The following WDR49 variants were observed in gnomAD, a reference collection of about 807,000 sequenced individuals.
WDR49 encodes cilia- and flagella-associated protein 337.
WDR49 carries 107 observed loss-of-function variants against 119.5 expected under a neutral mutation model. The ratio of observed to expected loss-of-function variants is 0.90; its 90% confidence interval spans 0.77 to 1.05. The LOEUF is 1.05. WDR49 is among the 50% of genes least tolerant of loss of function. The pLI is 0.00. For synonymous variants in WDR49, 425 were observed against 418.8 expected (o/e 1.01, Z -0.18); for missense variants, 1,240 against 1,220.5 (o/e 1.02, Z -0.24).
chr3:167,547,133 T>C lies in WDR49; in HGVS notation c.1823+7517A>G, dbSNP rs76424273. Among the ~76,000 whole-genome samples, 568 of 151,982 alleles carry C rather than the reference T, an allele frequency of 3.7e-3. 6 individuals carry two copies. The highest frequency in any genetic ancestry group is 0.013 in the African/African-American group (538 of 41,528). On this transcript the variant is annotated intron_variant, in intron 10 of 18. Coordinates refer to ENST00000682715, the MANE Select transcript of WDR49 (RefSeq NM_001366157.1). The stretch of plus-strand genomic sequence containing the variant: ...CATTGGAATATTCCATTCTGATTCT[T>C]ATCCTAATAATGGAAACCAATTGAG...
chr3:167,646,494 G>A (rs982499303), intron 2 of WDR49, among the ~76,000 whole-genome samples: 2 of 152,128 alleles, frequency 1.3e-5, no homozygotes, highest in Non-Finnish European at 2.9e-5. Context: ...GAAGTCATGA[G>A]AAAGGGTTCG....
chr3:167,556,588 T>A (rs1712941114), intron 9 of WDR49, among the ~76,000 whole-genome samples: 3 of 152,154 alleles, frequency 2.0e-5, no homozygotes, highest in Admixed American at 2.0e-4. Flanking sequence ...ATTGGTGCTA[T>A]CAAAATTAAA....
chr3:167,514,433 A>T (rs1752111668), intron 16 of WDR49, among the ~76,000 whole-genome samples: 1 of 152,166 alleles, frequency 6.6e-6, no homozygotes, highest in Admixed American at 6.6e-5. Context: ...ATGTACCAAA[A>T]TCCCTGGGAC....
chr3:167,636,337 GTA>G (rs1338358447), intron 2 of WDR49, among the ~76,000 whole-genome samples: 1 of 150,896 alleles, frequency 6.6e-6, no homozygotes, highest in Non-Finnish European at 1.5e-5. Context: ...GTATATATAC[GTA>G]TATATATGTA....
At chr3:167,563,730 A>T (rs1342716959) in intron 8 of WDR49, among the ~76,000 whole-genome samples, 1 of 152,192 alleles carries the variant, frequency 6.6e-6, no homozygotes, top group East Asian at 1.9e-4. Context: ...CACCTTAAAC[A>T]TGTATTATTT....
chr3:167,549,652 A>G (rs569691915), intron 10 of WDR49, among the ~76,000 whole-genome samples: 1 of 152,036 alleles, frequency 6.6e-6, no homozygotes, highest in African/African-American at 2.4e-5. Flanking sequence ...TTGCCTGTTC[A>G]CTCTGATGGT....
chr3:167,528,243 G>T (rs1752706585), intron 14 of WDR49, among the ~76,000 whole-genome samples: 1 of 151,946 alleles, frequency 6.6e-6, no homozygotes, highest in Non-Finnish European at 1.5e-5. Context: ...AACTAGTGGG[G>T]AAGGAGGAAG....
At chr3:167,558,806 A>G (rs1399008984) in intron 9 of WDR49, among the ~76,000 whole-genome samples, 1 of 152,184 alleles carries the variant, frequency 6.6e-6, no homozygotes, top group East Asian at 1.9e-4. Flanking sequence ...ATAGAGGTAA[A>G]TAGAACCTAA....
rs1017344885 is a variant in WDR49, at chr3:167,554,796, T to A, written c.1677A>T (p.Ile559=). 8 of 1,598,956 alleles carry A rather than the reference T, an allele frequency of 5.0e-6. No individual in the cohort carries two copies. The highest frequency in any genetic ancestry group is 6.8e-6 in the Non-Finnish European group (8 of 1,175,218). Residue 559 remains isoleucine (I), a splice_region_variant and synonymous_variant, in exon 10 of 19, where the codon ATA becomes ATT. Coordinates refer to ENST00000682715, the MANE Select transcript of WDR49 (RefSeq NM_001366157.1). The stretch of plus-strand genomic sequence containing the variant: ...GGTGACAATATCCATTGAAGTCCCA[T>A]ATCTTTAAGAGAAAAATTAAAACCA... The part of the protein sequence containing the change: ...LTGSTDGTVK[I]WDFNGYCHHT...
chr3:167,519,583 A>G (rs1353132543), intron 16 of WDR49, among the ~76,000 whole-genome samples: 1 of 151,600 alleles, frequency 6.6e-6, no homozygotes, highest in Non-Finnish European at 1.5e-5. Flanking sequence ...GAGCTGAACA[A>G]TGAGAACACA....
At chr3:167,556,560 A>C (rs534922666) in intron 9 of WDR49, among the ~76,000 whole-genome samples, 83 of 152,352 alleles carry the variant, frequency 5.4e-4, no homozygotes, top group Non-Finnish European at 1.1e-3. Flanking sequence ...TTGTTGGCAC[A>C]TCATGCATAG....
chr3:167,519,885 T>C (rs1248740021), intron 16 of WDR49, among the ~76,000 whole-genome samples: 1 of 151,904 alleles, frequency 6.6e-6, no homozygotes, highest in Non-Finnish European at 1.5e-5. Flanking sequence ...GAAAATGAAG[T>C]CAGGAAAGAA....
At chr3:167,521,482 C>T (rs1752432000) in intron 16 of WDR49, among the ~76,000 whole-genome samples, 1 of 152,188 alleles carries the variant, frequency 6.6e-6, no homozygotes, top group South Asian at 2.1e-4. Context: ...AGACAGTTCT[C>T]TCTGGTGTTT....
intron 2 of WDR49, among the ~76,000 whole-genome samples, chr3:167,636,118 C>A (rs1250718274): frequency 6.6e-6 from 1 of 151,628 alleles, no homozygotes; most frequent in East Asian, 1.9e-4. Context: ...CAACCCCTTC[C>A]CACTATTTTT....
intron 10 of WDR49, among the ~76,000 whole-genome samples, chr3:167,544,843 G>A (rs537506674): frequency 6.1e-4 from 92 of 151,944 alleles, no homozygotes; most frequent in African/African-American, 2.0e-3. Context: ...ATAAATAGAT[G>A]GGACCTAATT....
At chr3:167,652,956 T>C (rs1313780544) in intron 2 of WDR49, among the ~76,000 whole-genome samples, 1 of 152,212 alleles carries the variant, frequency 6.6e-6, no homozygotes, top group East Asian at 1.9e-4. Flanking sequence ...CCATAATTTT[T>C]TGTTTCCCCA....
chr3:167,516,795 G>A (rs1475379218), intron 16 of WDR49, among the ~76,000 whole-genome samples: 2 of 152,014 alleles, frequency 1.3e-5, no homozygotes, highest in African/African-American at 2.4e-5. Flanking sequence ...CAGAATGGGA[G>A]AAAATTTTTG....
chr3:167,601,550 A>C (rs990003578), intron 7 of WDR49, among the ~76,000 whole-genome samples: 35 of 152,280 alleles, frequency 2.3e-4, no homozygotes, highest in East Asian at 3.9e-4. Flanking sequence ...CTAAGTGGAT[A>C]TAAGTAATAA....
intron 11 of WDR49, among the ~76,000 whole-genome samples, chr3:167,533,671 C>T (rs1412525270): frequency 6.6e-6 from 1 of 152,038 alleles, no homozygotes; most frequent in South Asian, 2.1e-4. Flanking sequence ...TTCAGTACTG[C>T]TCTTCACAGA....
Sources: allele counts gnomAD v4.1 joint callset (sites outside exome capture counted in the v4.1 genomes callset), GRCh38; gene constraint gnomAD v4.1.1; transcripts MANE v1.5; gene names NCBI Gene and HGNC (gene_info 2026-07-23, HGNC 2026-07-21).